The following POLR2F variants were observed in gnomAD, a reference collection of about 807,000 sequenced individuals.
POLR2F encodes the protein RNA polymerase II, I and III subunit F.
POLR2F carries 12 observed loss-of-function variants against 22.7 expected under a neutral mutation model. That is an observed-to-expected ratio of 0.53 (90% CI 0.34 to 0.86). POLR2F has a LOEUF of 0.86. Among genes scored for constraint, POLR2F ranks in the 40% least tolerant of loss-of-function variants. POLR2F has a pLI of 0.02. For synonymous variants in POLR2F, 57 were observed against 66.0 expected (o/e 0.86, Z 0.66); for missense variants, 126 against 171.5 (o/e 0.73, Z 1.48).
At chr22:38,023,044 G>A (rs181755667) in intron 1 of POLR2F, among the ~76,000 whole-genome samples, 10 of 152,242 alleles carry the variant, frequency 6.6e-5, no homozygotes, top group Non-Finnish European at 1.5e-4. Flanking sequence ...AACAAACAAA[G>A]AAACAGAAAT....
At chr22:38,002,396 T>G (rs2084779405) in intron 1 of POLR2F, among the ~76,000 whole-genome samples, 1 of 152,196 alleles carries the variant, frequency 6.6e-6, no homozygotes, top group African/African-American at 2.4e-5. Flanking sequence ...ACATGCTTGA[T>G]GCAATGTGGG....
At chr22:38,014,405 C>T (rs1218210027) in intron 1 of POLR2F, among the ~76,000 whole-genome samples, 1 of 150,180 alleles carries the variant, frequency 6.7e-6, no homozygotes, top group African/African-American at 2.5e-5. Flanking sequence ...GGCTGGAGTG[C>T]AGTGGTGCTA....
At chr22:37,976,439 T>C (rs1213228765) in intron 4 of POLR2F, among the ~76,000 whole-genome samples, 1 of 152,192 alleles carries the variant, frequency 6.6e-6, no homozygotes, top group Non-Finnish European at 1.5e-5. Flanking sequence ...GGCCAGGGAC[T>C]GTAGGCTTCT....
chr22:38,029,090 T>C (rs1438142178), downstream of POLR2F, among the ~76,000 whole-genome samples: 2 of 151,932 alleles, frequency 1.3e-5, no homozygotes, highest in Non-Finnish European at 2.9e-5. Flanking sequence ...ACTGCTGTGG[T>C]CTGCAGGGTG....
Position 38,017,716 on chromosome 22 carries a change from T to C in POLR2F, c.121-8153T>C, listed in dbSNP as rs944302480. Among the ~76,000 whole-genome samples, 1 of 152,170 alleles carries C rather than the reference T, an allele frequency of 6.6e-6. No individual in the cohort carries two copies. Among genetic ancestry groups the C allele is most frequent in the Non-Finnish European group, 1.5e-5 (1 of 68,022 alleles). On this transcript the variant is annotated intron_variant, in intron 1 of 2. Coordinates refer to the POLR2F transcript ENST00000333418. This position sits in a 1 kb window ranked among gnomAD's most constrained non-coding sequence, Gnocchi z 4.1. Reference sequence around the variant, plus strand: ...TCTCTCTGTAGCACCAGCCAAGAAGTCACCCGCCCCCGCTGGCACAGCTCC... The same window carrying C: ...TCTCTCTGTAGCACCAGCCAAGAAGCCACCCGCCCCCGCTGGCACAGCTCC...
At chr22:38,038,532 C>T (rs964243331) in intron 5 of POLR2F, among the ~76,000 whole-genome samples, 3 of 152,132 alleles carry the variant, frequency 2.0e-5, no homozygotes, top group East Asian at 3.9e-4. Context: ...AGTGTGCCCT[C>T]GCTCCTCCCC....
Position 37,959,374 on chromosome 22 carries a change from C to T in POLR2F, c.119C>T (p.Pro40Leu). Reference sequence around the variant, plus strand: ...GGCCAGGAGAATGTCGAGATCCTCCCCTCTGGGGAGCGACCGCAGGCCAAC... The same window carrying T: ...GGCCAGGAGAATGTCGAGATCCTCCTCTCTGGGGAGCGACCGCAGGCCAAC... ...EEGQENVEIL[P>L]SGERPQANQK... is the part of the protein sequence containing the mutation. Residue 40 changes from proline (P) to leucine (L), a missense_variant, in exon 3 of 5, where the codon CCC becomes CTC. By Grantham distance (98) the Pro-to-Leu change is moderately conservative. Coordinates refer to ENST00000442738, the MANE Select transcript of POLR2F (RefSeq NM_021974.5). 6.2e-7 allele frequency: 1 copy of T among 1,614,088 alleles called. No homozygotes were observed. Among genetic ancestry groups the T allele is most frequent in the East Asian group, 2.2e-5 (1 of 44,872 alleles).
chr22:37,978,099 C>G lies in POLR2F; in HGVS notation c.293+10929C>G, dbSNP rs1932279276. The G allele has an allele frequency of 6.3e-7, 1 of 1,590,574 alleles. No homozygotes were observed. The highest frequency in any genetic ancestry group is 1.3e-5 in the African/African-American group (1 of 74,642). On this transcript the variant is annotated intron_variant, in intron 4 of 4. Coordinates refer to the POLR2F transcript ENST00000405557. This position sits in a 1 kb window ranked among gnomAD's most constrained non-coding sequence, Gnocchi z 5.0. Reference sequence around the variant, plus strand: ...GCTGCATACGGAGCCGCTCAGCCTCCTCGATGAAGGGGCGCTTGTCACTTT... The same window carrying G: ...GCTGCATACGGAGCCGCTCAGCCTCGTCGATGAAGGGGCGCTTGTCACTTT...
chr22:38,018,579 G>A (rs2084934011), intron 1 of POLR2F, among the ~76,000 whole-genome samples: 1 of 152,180 alleles, frequency 6.6e-6, no homozygotes, highest in South Asian at 2.1e-4. Context: ...GGCTCCATCT[G>A]GGGCTGGGCT....
intron 1 of POLR2F, among the ~76,000 whole-genome samples, chr22:37,989,642 T>A (rs940266661): frequency 1.3e-5 from 2 of 152,212 alleles, no homozygotes; most frequent in African/African-American, 4.8e-5. Flanking sequence ...GAGTAGATGC[T>A]ATTATTCTCA....
At chr22:37,960,256 C>G (rs910884830) in intron 3 of POLR2F, among the ~76,000 whole-genome samples, 1 of 149,602 alleles carries the variant, frequency 6.7e-6, no homozygotes, top group African/African-American at 2.5e-5. Flanking sequence ...CAGAGTCTTG[C>G]TCTGTCTCCC....
intron 1 of POLR2F, among the ~76,000 whole-genome samples, chr22:37,990,568 G>A (rs748882374): frequency 5.9e-5 from 9 of 152,248 alleles, no homozygotes; most frequent in Admixed American, 1.3e-4. Flanking sequence ...AGCTGGGACT[G>A]GGAGGTGAGA....
intron 1 of POLR2F, among the ~76,000 whole-genome samples, chr22:37,956,297 G>A (rs1931395819): frequency 6.6e-6 from 1 of 151,886 alleles, no homozygotes; most frequent in South Asian, 2.1e-4. Context: ...TCATCATGTT[G>A]GTCAGGCTGG....
chr22:37,971,917 C>A (rs182340264), downstream of POLR2F, among the ~76,000 whole-genome samples: 519 of 152,014 alleles, frequency 3.4e-3, 5 homozygotes, highest in African/African-American at 0.012. Flanking sequence ...GCATAGCCGC[C>A]GGGCTGGGGA....
chr22:38,008,096 C>T (rs1372588434), intron 1 of POLR2F, among the ~76,000 whole-genome samples: 4 of 152,126 alleles, frequency 2.6e-5, no homozygotes, highest in Admixed American at 6.5e-5. Flanking sequence ...AAAAGTTAGC[C>T]GGGCGTGGTG....
At chr22:38,024,798 C>T (rs2084992515) in intron 1 of POLR2F, among the ~76,000 whole-genome samples, 1 of 152,044 alleles carries the variant, frequency 6.6e-6, no homozygotes, top group Admixed American at 6.5e-5. Flanking sequence ...GGCAGAGTGG[C>T]TCAGAGACTC....
At chr22:37,998,740 C>G in intron 1 of POLR2F, among the ~76,000 whole-genome samples, 1 of 151,934 alleles carries the variant, frequency 6.6e-6, no homozygotes, top group South Asian at 2.1e-4. Flanking sequence ...AACAAGGGGC[C>G]CATTCTGTGT....
At chr22:38,038,219 T>A (rs2085135005) in intron 5 of POLR2F, among the ~76,000 whole-genome samples, 1 of 152,198 alleles carries the variant, frequency 6.6e-6, no homozygotes, top group South Asian at 2.1e-4. Flanking sequence ...AAGCTCCCTG[T>A]CAGTATCAGG....
At position 37,974,347 on chromosome 22, in the gene POLR2F, G is replaced by GTT. The variant is rs916489152; in HGVS notation, c.293+7185_293+7186dup. ...TTCACATTTTGGCAGCATGAGTCGG[G>GTT]TTTTTTTTTGTTTTTTTTTTTTGAG... On this transcript the variant is annotated intron_variant, in intron 4 of 4. Transcript: ENST00000405557. The surrounding 1 kb of genome is among the most constrained non-coding windows in gnomAD (Gnocchi z 5.4). 4.7e-4 allele frequency: 274 copies of GTT among 583,812 alleles called. 2 individuals are homozygous for GTT. The African/African-American group carries it at 4.8e-3, about 10-fold the overall frequency. 36.2% of individuals were successfully genotyped at this position (583,812 alleles called of 1,614,324 possible). A position where few individuals can be genotyped will look rare whatever the true frequency, so the allele number is the denominator to read the frequency against.
Sources: allele counts gnomAD v4.1 joint callset (sites outside exome capture counted in the v4.1 genomes callset), GRCh38; gene constraint gnomAD v4.1.1; non-coding constraint Gnocchi (gnomAD v3.1); transcripts MANE v1.5; gene names NCBI Gene and HGNC (gene_info 2026-07-23, HGNC 2026-07-21).